HDAC4: variants seen among roughly 807,000 people sequenced by gnomAD.
The protein encoded by HDAC4 is histone deacetylase 4.
A neutral mutation model predicts 135.1 loss-of-function variants in HDAC4; 16 were observed. The observed-to-expected ratio is 0.12, with a 90% CI of 0.08 to 0.18. The LOEUF (loss-of-function observed/expected upper bound fraction) is 0.18, where lower values mean the gene tolerates loss of function less well. HDAC4 is among the 10% of genes least tolerant of loss of function. The probability of loss-of-function intolerance (pLI) is 1.00; values close to 1 mark genes in which losing one functional copy is unlikely to be tolerated. For missense variants in HDAC4, 1,143 were observed against 1,511.8 expected, an observed-to-expected ratio of 0.76 and a Z score of 4.05; for synonymous variants, 685 against 653.4, an observed-to-expected ratio of 1.05 and a Z score of -0.74.
intron 2 of HDAC4, among the ~76,000 whole-genome samples, chr2:239,327,671 G>C (rs2053510550): frequency 6.6e-6 from 1 of 152,214 alleles, no homozygotes; most frequent in African/African-American, 2.4e-5. Flanking sequence ...CTGCCTACAG[G>C]GCTTTCCCAG....
In HDAC4 at chr2:239,371,297, TCA is replaced by T. The variant is rs559104524; in HGVS notation, c.-219-18381_-219-18380del. ...ATCACATACACACATCCTTATACAC[TCA>T]CACACACTCTCACATAACCACAAAC... On this transcript the variant is annotated intron_variant, in intron 1 of 26. Coordinates refer to ENST00000543185, the MANE Select transcript of HDAC4 (RefSeq NM_001378414.1). Among the ~76,000 whole-genome samples, 413 of 151,994 alleles carry T rather than the reference TCA, an allele frequency of 2.7e-3. 2 individuals are homozygous for T. Among genetic ancestry groups the T allele is most frequent in the Non-Finnish European group, 4.5e-3 (303 of 67,962 alleles).
intron 5 of HDAC4, among the ~76,000 whole-genome samples, chr2:239,174,400 C>T (rs552330894): frequency 3.8e-4 from 15 of 39,736 alleles, no homozygotes; most frequent in South Asian, 6.3e-3. Flanking sequence ...AATATTCATT[C>T]GGCAAAAAAA....
At chr2:239,153,721 G>A (rs998766736) in intron 7 of HDAC4, among the ~76,000 whole-genome samples, 11 of 152,182 alleles carry the variant, frequency 7.2e-5, no homozygotes, top group East Asian at 3.8e-4. Flanking sequence ...TCTCTCTTCC[G>A]TTCTCAAGAA....
intron 2 of HDAC4, among the ~76,000 whole-genome samples, chr2:239,332,334 A>C (rs1052817499): frequency 1.3e-5 from 2 of 152,246 alleles, no homozygotes; most frequent in African/African-American, 2.4e-5. Flanking sequence ...AAAACTGACC[A>C]TATAATCAAT....
intron 5 of HDAC4, among the ~76,000 whole-genome samples, chr2:239,172,908 A>G (rs2043542569): frequency 1.3e-5 from 2 of 152,202 alleles, no homozygotes; most frequent in South Asian, 2.1e-4. Flanking sequence ...ACAAAAATGT[A>G]TAACAAAGGC....
chr2:239,339,072 AT>A (rs573928786), intron 2 of HDAC4, among the ~76,000 whole-genome samples: 9 of 152,246 alleles, frequency 5.9e-5, no homozygotes, highest in Non-Finnish European at 1.2e-4. Context: ...GAAGAAAACA[AT>A]GGTAAAGATG....
At chr2:239,394,668 T>G (rs1696449504) in intron 1 of HDAC4, among the ~76,000 whole-genome samples, 2 of 152,150 alleles carry the variant, frequency 1.3e-5, no homozygotes, top group Non-Finnish European at 2.9e-5. Flanking sequence ...GCAGGGGGTG[T>G]CAGGAAACAG....
chr2:239,343,450 C>T (rs892781694), intron 2 of HDAC4, among the ~76,000 whole-genome samples: 94 of 152,216 alleles, frequency 6.2e-4, no homozygotes, highest in African/African-American at 2.1e-3. Context: ...ATGGCAAAAC[C>T]CATGCTCGTT....
At chr2:239,101,996 A>G (rs1196740586) in intron 16 of HDAC4, among the ~76,000 whole-genome samples, 2 of 90,668 alleles carry the variant, frequency 2.2e-5, no homozygotes, top group African/African-American at 4.4e-5. Flanking sequence ...CCCTGGGTCC[A>G]CGTTCTGTGC....
Position 239,098,545 on chromosome 2 carries a change from G to T in HDAC4, c.2234-3489C>A, listed in dbSNP as rs193097861. Among the ~76,000 whole-genome samples, 329 of 152,380 alleles carry T rather than the reference G, an allele frequency of 2.2e-3. 2 individuals are homozygous for T. The highest frequency in any genetic ancestry group is 2.6e-3 in the Non-Finnish European group (176 of 68,038). On this transcript the variant is annotated intron_variant, in intron 16 of 26. Transcript: ENST00000543185. ...ACCCTGCCAGCTGACATGAGCAGATGAGCCACGTGACTTTCAGTGACGCCT... is the reference window on the plus strand; with the variant it reads ...ACCCTGCCAGCTGACATGAGCAGATTAGCCACGTGACTTTCAGTGACGCCT...
Position 239,352,102 on chromosome 2 carries a change from C to A in HDAC4, c.22+576G>T, listed in dbSNP as rs565706469. The stretch of plus-strand genomic sequence containing the variant: ...AGCTTGCTTCCCAATCATGTGGGTC[C>A]CCCACCTACCAGCTCTGTGACCTCA... On this transcript the variant is annotated intron_variant, in intron 2 of 26. Transcript: ENST00000543185. This position sits in a 1 kb window ranked among gnomAD's most constrained non-coding sequence, Gnocchi z 4.4. 6.6e-6 allele frequency among the ~76,000 whole-genome samples: 1 copy of A among 152,300 alleles called. No homozygotes were observed. Among genetic ancestry groups the A allele is most frequent in the African/African-American group, 2.4e-5 (1 of 41,566 alleles).
chr2:239,311,687 A>G (rs1259682791), intron 2 of HDAC4, among the ~76,000 whole-genome samples: 1 of 152,200 alleles, frequency 6.6e-6, no homozygotes, highest in Non-Finnish European at 1.5e-5. Flanking sequence ...ACAAAACTTC[A>G]AGTTTCTGTT....
chr2:239,224,917 A>G lies in HDAC4; in HGVS notation c.94+11676T>C, dbSNP rs150652704. Among the ~76,000 whole-genome samples the G allele has an allele frequency of 2.8e-4, 43 of 152,366 alleles. 1 individual carries two copies. The East Asian group carries it at 6.5e-3, about 23-fold the overall frequency. On this transcript the variant is annotated intron_variant, in intron 3 of 26. Transcript: ENST00000543185. ...GAATTAATGAGCATATTTAGAATCC[A>G]GCACCCAATTACTAGAGAATTCAAA...
chr2:239,104,603 A>T (rs1167690231), intron 15 of HDAC4, among the ~76,000 whole-genome samples: 2 of 152,234 alleles, frequency 1.3e-5, no homozygotes, highest in Admixed American at 6.5e-5. Flanking sequence ...GCCAGGGCCA[A>T]GTTCCCTCTG....
At chr2:239,301,861 T>TA (rs1559345462) in intron 2 of HDAC4, among the ~76,000 whole-genome samples, 1 of 152,124 alleles carries the variant, frequency 6.6e-6, no homozygotes, top group Admixed American at 6.5e-5. Flanking sequence ...TCCTGAATGG[T>TA]AAAAACCTTA....
rs1328337810 is a variant in HDAC4, at chr2:239,190,189, G to A, written c.95-112C>T. 11 of 1,402,380 alleles carry A rather than the reference G, an allele frequency of 7.8e-6. No homozygotes were observed. In the East Asian group the frequency reaches 2.7e-4, roughly 34 times the overall value. The allele number at this position is 1,402,380 out of a possible 1,614,324, so 86.9% of individuals were successfully genotyped here. A position where few individuals can be genotyped will look rare whatever the true frequency, so the allele number is the denominator to read the frequency against. On this transcript the variant is annotated intron_variant, in intron 3 of 26. Transcript: ENST00000543185. Reference sequence around the variant, plus strand: ...CTTCACGGGGCGGGGGGGGGGTTGTGACCATTTGAGGATTGGATACCCCTC... The same window carrying A: ...CTTCACGGGGCGGGGGGGGGGTTGTAACCATTTGAGGATTGGATACCCCTC...
At chr2:239,227,352 A>G (rs192963933) in intron 3 of HDAC4, among the ~76,000 whole-genome samples, 2 of 152,224 alleles carry the variant, frequency 1.3e-5, no homozygotes, top group African/African-American at 4.8e-5. Flanking sequence ...TTCCTGCCCC[A>G]GCATGGGGGC....
intron 7 of HDAC4, 56 bp downstream of exon 7, chr2:239,156,596 C>T (rs2042438026): frequency 3.1e-6 from 5 of 1,612,594 alleles, no homozygotes; most frequent in Admixed American, 1.7e-5. Context: ...TGGCTTGTGG[C>T]GTGGAAGGTG....
intron 1 of HDAC4, among the ~76,000 whole-genome samples, chr2:239,371,817 G>C (rs1311819821): frequency 1.3e-5 from 2 of 152,206 alleles, no homozygotes; most frequent in Non-Finnish European, 1.5e-5. Context: ...ATCTGGGCCT[G>C]CGCATCCGGC....
Sources: allele counts gnomAD v4.1 joint callset (sites outside exome capture counted in the v4.1 genomes callset), GRCh38; gene constraint gnomAD v4.1.1; non-coding constraint Gnocchi (gnomAD v3.1); transcripts MANE v1.5; gene names NCBI Gene and HGNC (gene_info 2026-07-23, HGNC 2026-07-21).